The following NANP variants were observed in gnomAD, a reference collection of about 807,000 sequenced individuals.
The protein encoded by NANP is N-acylneuraminate-9-phosphatase.
In NANP, 15 loss-of-function variants were observed where a neutral mutation model predicts 16.9. That is an observed-to-expected ratio of 0.89 (90% CI 0.59 to 1.37). The LOEUF (loss-of-function observed/expected upper bound fraction) is 1.37. NANP is among the 40% of genes most tolerant of loss of function. NANP has a pLI of 0.00. For synonymous variants in NANP, 135 were observed against 112.6 expected, an observed-to-expected ratio of 1.20 and a Z score of -1.26; for missense variants, 290 against 303.5, an observed-to-expected ratio of 0.96 and a Z score of 0.33.
intron 1 of NANP, among the ~76,000 whole-genome samples, chr20:25,617,432 G>A (rs966551873): frequency 2.0e-5 from 3 of 152,034 alleles, no homozygotes; most frequent in Non-Finnish European, 4.4e-5. Context: ...GGCTGGTCTC[G>A]AACTCCTGAC....
At position 25,615,290 on chromosome 20, in the gene NANP, A is replaced by G. The variant is rs1024842024; in HGVS notation, c.*635T>C. ...TAACTGGAGGAATCTGTCACATGCC[A>G]TAGAAAAATTGCTCCCTGCCCTCTG... On this transcript the variant is annotated 3_prime_UTR_variant, in exon 2 of 2. Coordinates refer to ENST00000304788, the MANE Select transcript of NANP (RefSeq NM_152667.3). 2.0e-5 allele frequency: 3 copies of G among 152,512 alleles called. No homozygotes were observed. Among genetic ancestry groups the G allele is most frequent in the South Asian group, 4.2e-4 (2 of 4,818 alleles). 9.4% of individuals were successfully genotyped at this position (152,512 alleles called of 1,614,324 possible).
chr20:25,619,275 C>T (rs1300558300), intron 1 of NANP, among the ~76,000 whole-genome samples: 1 of 151,978 alleles, frequency 6.6e-6, no homozygotes, highest in Non-Finnish European at 1.5e-5. Flanking sequence ...AACTGCACAC[C>T]ACCATACCCA....
intron 1 of NANP, 36 bp from the exon 2 acceptor site, chr20:25,616,617 A>C (rs762764493): frequency 6.7e-7 from 1 of 1,485,948 alleles, no homozygotes; most frequent in Non-Finnish European, 9.0e-7. Context: ...AACACATTGC[A>C]TGTCTTTAGT....
At chr20:25,620,942 C>T (rs948394734) in intron 1 of NANP, among the ~76,000 whole-genome samples, 1 of 152,006 alleles carries the variant, frequency 6.6e-6, no homozygotes, top group Non-Finnish European at 1.5e-5. Flanking sequence ...CTGTCCAGCC[C>T]GCCGCCAATG....
intron 1 of NANP, among the ~76,000 whole-genome samples, chr20:25,622,549 T>A (rs777407993): frequency 1.6e-4 from 25 of 152,186 alleles, no homozygotes; most frequent in Non-Finnish European, 3.2e-4. Context: ...TTAATTGAAA[T>A]GCACAGGACT....
rs1211206819 is a variant in NANP at position 25,614,955 on chromosome 20, C to A, written c.*970G>T. The A allele has an allele frequency of 6.6e-6, 1 of 152,034 alleles. No individual in the cohort carries two copies. Among genetic ancestry groups the A allele is most frequent in the Non-Finnish European group, 1.5e-5 (1 of 68,128 alleles). The allele number at this position is 152,034 out of a possible 1,614,324, so 9.4% of individuals were successfully genotyped here. ...TGAGCCGAGATGGTGCCATGGCACTCCAACCTGGGCGACAGAGATCCCATT... is the reference window on the plus strand; with the variant it reads ...TGAGCCGAGATGGTGCCATGGCACTACAACCTGGGCGACAGAGATCCCATT... On this transcript the variant is annotated 3_prime_UTR_variant, in exon 2 of 2. Coordinates refer to ENST00000304788, the MANE Select transcript of NANP (RefSeq NM_152667.3).
chr20:25,617,051 G>A (rs2065346421), intron 1 of NANP, among the ~76,000 whole-genome samples: 1 of 152,086 alleles, frequency 6.6e-6, no homozygotes, highest in South Asian at 2.1e-4. Context: ...ACAAAAACTC[G>A]TTGTACTTAT....
In NANP at chr20:25,614,449, T is replaced by C. The variant is rs954829446; in HGVS notation, c.*1476A>G. 1 of 152,226 alleles carries C rather than the reference T, an allele frequency of 6.6e-6. No homozygotes were observed. The highest frequency in any genetic ancestry group is 1.5e-5 in the Non-Finnish European group (1 of 68,040). 9.4% of individuals were successfully genotyped at this position (152,226 alleles called of 1,614,324 possible). A position where few individuals can be genotyped will look rare whatever the true frequency, so the allele number is the denominator to read the frequency against. On this transcript the variant is annotated 3_prime_UTR_variant, in exon 2 of 2. Coordinates refer to ENST00000304788, the MANE Select transcript of NANP (RefSeq NM_152667.3). ...ACTCCAGGTTTGGTTAGTATAATCATGAGACTGTCTAGCCTAATAGTCTAG... is the reference window on the plus strand; with the variant it reads ...ACTCCAGGTTTGGTTAGTATAATCACGAGACTGTCTAGCCTAATAGTCTAG...
In NANP at chr20:25,623,918, A is replaced by C. The variant is rs746290348; in HGVS notation, c.31T>G (p.Phe11Val). The change falls in exon 1 of 2, where the codon TTT becomes GTT. Residue 11 changes from phenylalanine to valine, a missense_variant. Transcript: ENST00000304788. ...TCGATGAGAGTGTTGTCCAAGTCAA[A>C]GAAAACCGCCCGCACGCGGCTCAGC... is the stretch of plus-strand genomic sequence containing the variant. Reference protein sequence around the residue: MGLSRVRAVFFDLDNTLIDTA... With the variant: MGLSRVRAVFVDLDNTLIDTA... 2 of 1,613,510 alleles carry C rather than the reference A, an allele frequency of 1.2e-6. No individual in the cohort carries two copies. The highest frequency in any genetic ancestry group is 1.7e-6 in the Non-Finnish European group (2 of 1,179,788).
Position 25,616,960 on chromosome 20 carries a change from C to T in NANP, c.91-379G>A, listed in dbSNP as rs1218883274. ...CCAGCACTTTGGAAGGCCAAGGTGG[C>T]AGGATCACTTGAGTTTAGGAGTTCA... On this transcript the variant is annotated intron_variant, in intron 1 of 1. Transcript: ENST00000304788. 3.9e-5 allele frequency among the ~76,000 whole-genome samples: 6 copies of T among 152,162 alleles called. 1 individual carries two copies. In the South Asian group the frequency reaches 1.2e-3, roughly 32 times the overall value.
chr20:25,617,345 G>A (rs2065347316), intron 1 of NANP, among the ~76,000 whole-genome samples: 1 of 151,948 alleles, frequency 6.6e-6, no homozygotes, highest in African/African-American at 2.4e-5. Flanking sequence ...CCAAGTAGCT[G>A]GGATTACAGG....
At position 25,615,701 on chromosome 20, in the gene NANP, C is replaced by T. The variant is rs143742120; in HGVS notation, c.*224G>A. 3.1e-4 allele frequency: 157 copies of T among 507,562 alleles called. No homozygotes were observed. The highest frequency in any genetic ancestry group is 2.9e-3 in the African/African-American group (150 of 51,674). The allele number at this position is 507,562 out of a possible 1,614,324, so 31.4% of individuals were successfully genotyped here. A position where few individuals can be genotyped will look rare whatever the true frequency, so the allele number is the denominator to read the frequency against. ...TAAATTTTCTGGGCTATACTACTGA[C>T]CTGAATTCATGCAATCTGAATTTTC... On this transcript the variant is annotated 3_prime_UTR_variant, in exon 2 of 2. Transcript: ENST00000304788.
intron 1 of NANP, among the ~76,000 whole-genome samples, chr20:25,620,984 C>T (rs530268931): frequency 1.3e-5 from 2 of 152,260 alleles, no homozygotes; most frequent in South Asian, 4.1e-4. Flanking sequence ...CCTCAAAAAC[C>T]GTTCCTCATT....
Position 25,616,414 on chromosome 20 carries a change from A to G in NANP, c.258T>C (p.Gly86=). 1 of 1,614,162 alleles carries G rather than the reference A, an allele frequency of 6.2e-7. No homozygotes were observed. Among genetic ancestry groups the G allele is most frequent in the Non-Finnish European group, 8.5e-7 (1 of 1,180,016 alleles). ...WEEAIQETKG[G]AANRKLAEEC... Reference sequence around the variant, plus strand: ...CTTCAGCCAATTTTCTATTGGCTGCACCACCTTTTGTTTCCTGGATTGCTT... The same window carrying G: ...CTTCAGCCAATTTTCTATTGGCTGCGCCACCTTTTGTTTCCTGGATTGCTT... The change falls in exon 2 of 2, where the codon GGT becomes GGC. Residue 86 remains glycine, a synonymous_variant. Transcript: ENST00000304788.
rs2065331284 is a variant in NANP, at chr20:25,613,785, C to T, written c.*2140G>A. On this transcript the variant is annotated 3_prime_UTR_variant, in exon 2 of 2. Coordinates refer to ENST00000304788, the MANE Select transcript of NANP (RefSeq NM_152667.3). The stretch of plus-strand genomic sequence containing the variant: ...ATCATTTCTGCTGGAGAACTGCTCA[C>T]TTAACATCCTAGAAGCTATCCTGTT... 1 of 398,562 alleles carries T rather than the reference C, an allele frequency of 2.5e-6. No homozygotes were observed. The highest frequency in any genetic ancestry group is 4.4e-6 in the Non-Finnish European group (1 of 226,054). 24.7% of individuals were successfully genotyped at this position (398,562 alleles called of 1,614,324 possible).
Position 25,615,744 on chromosome 20 carries a change from A to G in NANP, c.*181T>C. On this transcript the variant is annotated 3_prime_UTR_variant, in exon 2 of 2. Coordinates refer to ENST00000304788, the MANE Select transcript of NANP (RefSeq NM_152667.3). ...GAATTTTCAGATATAAGTACCACTC[A>G]ATGGTTGGTTGTTACAACTTAGAAG... 1 of 608,380 alleles carries G rather than the reference A, an allele frequency of 1.6e-6. No individual in the cohort carries two copies. Among genetic ancestry groups the G allele is most frequent in the Non-Finnish European group, 2.8e-6 (1 of 358,130 alleles). The allele number at this position is 608,380 out of a possible 1,614,324, so 37.7% of individuals were successfully genotyped here. A position where few individuals can be genotyped will look rare whatever the true frequency, so the allele number is the denominator to read the frequency against.
rs765740661 is a variant in NANP at position 25,623,905 on chromosome 20, T to G, written c.44A>C (p.Asn15Thr). Reference sequence around the variant, plus strand: ...CGCCCCGGCCGTGTCGATGAGAGTGTTGTCCAAGTCAAAGAAAACCGCCCG... The same window carrying G: ...CGCCCCGGCCGTGTCGATGAGAGTGGTGTCCAAGTCAAAGAAAACCGCCCG... ...RVRAVFFDLD[N>T]TLIDTAGASR... Residue 15 changes from asparagine to threonine, a missense_variant, in exon 1 of 2, where the codon AAC becomes ACC. Coordinates refer to ENST00000304788, the MANE Select transcript of NANP (RefSeq NM_152667.3). 1.2e-6 allele frequency: 2 copies of G among 1,613,454 alleles called. No individual in the cohort carries two copies. The highest frequency in any genetic ancestry group is 1.7e-6 in the Non-Finnish European group (2 of 1,179,686).
Position 25,616,281 on chromosome 20 carries a change from T to C in NANP, c.391A>G (p.Thr131Ala). 6.2e-7 allele frequency: 1 copy of C among 1,614,194 alleles called. No homozygotes were observed. Among genetic ancestry groups the C allele is most frequent in the Middle Eastern group, 1.6e-4 (1 of 6,062 alleles). ...CTCTGGGTCTGTCTGTCCCCATTCGTTAATAGAAGTAGGCGGACCTCCTTT... is the reference window on the plus strand; with the variant it reads ...CTCTGGGTCTGTCTGTCCCCATTCGCTAATAGAAGTAGGCGGACCTCCTTT... ...LRKEVRLLLL[T>A]NGDRQTQREK... Residue 131 changes from threonine to alanine, a missense_variant, in exon 2 of 2, where the codon ACG becomes GCG. Physicochemically the swap from Thr to Ala is moderately conservative, Grantham distance 58. Transcript: ENST00000304788.
chr20:25,623,991 C>CT lies in NANP; in HGVS notation c.-44dup. On this transcript the variant is annotated 5_prime_UTR_variant, in exon 1 of 2. Transcript: ENST00000304788. ...CGAACCGTAGCCTTGCCACCGCCGC[C>CT]TGCGCATGCGCAAGGCGGACTGCCC... is the stretch of plus-strand genomic sequence containing the variant. 1.9e-6 allele frequency: 3 copies of CT among 1,594,346 alleles called. No homozygotes were observed. Among genetic ancestry groups the CT allele is most frequent in the South Asian group, 1.1e-5 (1 of 89,974 alleles).
Sources: gnomAD v4.1 joint callset for allele counts (sites outside exome capture counted in the v4.1 genomes callset) on GRCh38, gnomAD v4.1.1 for gene constraint, MANE v1.5 for transcripts, NCBI Gene and HGNC (gene_info 2026-07-23, HGNC 2026-07-21) for gene names.